The following CDH13 variants were observed in gnomAD, a reference collection of about 807,000 sequenced individuals.
CDH13 encodes the protein cadherin-13.
Under a neutral mutation model 63.8 loss-of-function variants are expected in CDH13, and 24 were observed. The ratio of observed to expected loss-of-function variants is 0.38; its 90% CI spans 0.27 to 0.53. CDH13 has a LOEUF of 0.53. CDH13 is among the 20% of genes least tolerant of loss of function. The probability of loss-of-function intolerance (pLI) is 0.85; values close to 1 mark genes in which losing one functional copy is unlikely to be tolerated. For synonymous variants in CDH13, 503 were observed against 355.3 expected, an observed-to-expected ratio of 1.42 and a Z score of -4.67; for missense variants, 1,049 against 903.1, an observed-to-expected ratio of 1.16 and a Z score of -2.07.
chr16:83,149,974 C>T (rs936681694), intron 4 of CDH13, among the ~76,000 whole-genome samples: 4 of 152,162 alleles, frequency 2.6e-5, no homozygotes, highest in African/African-American at 4.8e-5. Flanking sequence ...ATTGTATCTT[C>T]TTATTTCAAA....
chr16:82,935,404 A>T (rs1180434922), intron 2 of CDH13, among the ~76,000 whole-genome samples: 1 of 152,206 alleles, frequency 6.6e-6, no homozygotes, highest in Non-Finnish European at 1.5e-5. Context: ...GTGGGGACAT[A>T]AAGCCAGACC....
chr16:82,997,254 A>C (rs910828930), intron 2 of CDH13, among the ~76,000 whole-genome samples: 2 of 152,038 alleles, frequency 1.3e-5, no homozygotes, highest in Non-Finnish European at 2.9e-5. Flanking sequence ...ACTCTAGGCT[A>C]GATATTGTGC....
chr16:83,052,742 A>G (rs193153935), intron 3 of CDH13, among the ~76,000 whole-genome samples: 21 of 133,906 alleles, frequency 1.6e-4, no homozygotes, highest in Non-Finnish European at 3.1e-4. Flanking sequence ...GCACCATTGC[A>G]CTCCAGCCTG....
chr16:83,290,524 C>T (rs916793921), intron 5 of CDH13, among the ~76,000 whole-genome samples: 8 of 152,154 alleles, frequency 5.3e-5, no homozygotes, highest in African/African-American at 1.2e-4. Context: ...TTGCCTTCCA[C>T]GGTGATTGTG....
chr16:83,561,289 A>AG (rs1245987185), intron 7 of CDH13, among the ~76,000 whole-genome samples: 1 of 151,820 alleles, frequency 6.6e-6, no homozygotes, highest in African/African-American at 2.4e-5. Context: ...TCTACTAAAA[A>AG]AAAAAAATTA....
intron 1 of CDH13, among the ~76,000 whole-genome samples, chr16:82,698,873 A>G (rs1185453310): frequency 3.3e-5 from 5 of 152,182 alleles, no homozygotes; most frequent in Non-Finnish European, 7.3e-5. Flanking sequence ...GGCCACGTAC[A>G]GGCCCTGTTC....
intron 2 of CDH13, chr16:82,859,073 TG>T (rs1237558130): frequency 6.6e-6 from 1 of 152,468 alleles, no homozygotes; most frequent in Non-Finnish European, 1.5e-5. Flanking sequence ...GATCTCTTTT[TG>T]TTTTTAATGT....
At chr16:82,876,365 C>G (rs1013453180) in intron 2 of CDH13, among the ~76,000 whole-genome samples, 2 of 152,208 alleles carry the variant, frequency 1.3e-5, no homozygotes. Context: ...ATTAAATAAT[C>G]TTTGAATTGA....
intron 1 of CDH13, among the ~76,000 whole-genome samples, chr16:82,788,713 C>G (rs1026900547): frequency 6.6e-6 from 1 of 152,192 alleles, no homozygotes; most frequent in Non-Finnish European, 1.5e-5. Context: ...TAATGTCTTC[C>G]TCTCCTGCCA....
chr16:83,156,065 C>T (rs913784803), intron 4 of CDH13, among the ~76,000 whole-genome samples: 2 of 152,186 alleles, frequency 1.3e-5, no homozygotes, highest in Non-Finnish European at 2.9e-5. Context: ...GAAGGCTGGG[C>T]AGGAATTAGC....
intron 4 of CDH13, among the ~76,000 whole-genome samples, chr16:83,127,033 G>A (rs1409921564): frequency 2.0e-5 from 3 of 152,156 alleles, no homozygotes; most frequent in African/African-American, 4.8e-5. Context: ...GATATTTGAG[G>A]GGAGACTGGA....
intron 2 of CDH13, among the ~76,000 whole-genome samples, chr16:82,917,006 G>A (rs982038360): frequency 6.6e-6 from 1 of 152,210 alleles, no homozygotes; most frequent in Non-Finnish European, 1.5e-5. Flanking sequence ...GCTACTCACT[G>A]TAAAAGTGAT....
intron 1 of CDH13, among the ~76,000 whole-genome samples, chr16:82,717,630 G>T (rs1310501814): frequency 6.6e-6 from 1 of 152,096 alleles, no homozygotes; most frequent in Non-Finnish European, 1.5e-5. Context: ...TGGCTCCGTG[G>T]TCCCATGACC....
At chr16:83,177,214 A>T (rs9923458) in intron 4 of CDH13, among the ~76,000 whole-genome samples, 2 of 152,174 alleles carry the variant, frequency 1.3e-5, no homozygotes, top group African/African-American at 4.8e-5. Context: ...TCAAATACTC[A>T]GATCTTTGCC....
At chr16:83,093,274 C>T (rs537864194) in intron 3 of CDH13, among the ~76,000 whole-genome samples, 4 of 118,862 alleles carry the variant, frequency 3.4e-5, no homozygotes, top group East Asian at 5.2e-4. Flanking sequence ...TGGATTTGTC[C>T]TGTGGAAACA....
chr16:83,173,705 A>G (rs185322595), intron 4 of CDH13, among the ~76,000 whole-genome samples: 27 of 152,254 alleles, frequency 1.8e-4, no homozygotes, highest in Non-Finnish European at 3.5e-4. Flanking sequence ...TTCGAAAACT[A>G]TAGAGAACAC....
intron 3 of CDH13, among the ~76,000 whole-genome samples, chr16:83,084,312 T>G (rs1227728528): frequency 6.6e-6 from 1 of 152,128 alleles, no homozygotes; most frequent in Non-Finnish European, 1.5e-5. Flanking sequence ...ACGTGGAAGG[T>G]CAGGAGTTTT....
intron 5 of CDH13, among the ~76,000 whole-genome samples, chr16:83,308,524 C>G (rs2089929922): frequency 6.6e-6 from 1 of 152,168 alleles, no homozygotes; most frequent in Admixed American, 6.5e-5. Flanking sequence ...CAGTATAAGG[C>G]AAATGGCAAC....
At chr16:83,201,839 C>T (rs990768348) in intron 4 of CDH13, among the ~76,000 whole-genome samples, 2 of 151,994 alleles carry the variant, frequency 1.3e-5, no homozygotes, top group African/African-American at 4.8e-5. Flanking sequence ...GGCGTGAACC[C>T]GGAAGGCAGA....
Sources: allele counts gnomAD v4.1 joint callset (sites outside exome capture counted in the v4.1 genomes callset), GRCh38; gene constraint gnomAD v4.1.1; transcripts MANE v1.5; gene names NCBI Gene and HGNC (gene_info 2026-07-23, HGNC 2026-07-21).